Variants in NRG3 observed in about 807,000 individuals in gnomAD.
NRG3 encodes the protein pro-neuregulin-3, membrane-bound isoform.
A neutral mutation model predicts 66.9 loss-of-function variants in NRG3; 31 were observed. That is an observed-to-expected ratio of 0.46 (90% CI 0.35 to 0.63). The LOEUF (loss-of-function observed/expected upper bound fraction) is 0.63. NRG3 is among the 20% of genes least tolerant of loss of function. The probability of loss-of-function intolerance (pLI) is 0.00; values close to 1 mark genes in which losing one functional copy is unlikely to be tolerated. For missense variants in NRG3, 910 were observed against 878.9 expected, an observed-to-expected ratio of 1.04 and a Z score of -0.45; for synonymous variants, 393 against 359.4, an observed-to-expected ratio of 1.09 and a Z score of -1.06.
intron 4 of NRG3, among the ~76,000 whole-genome samples, chr10:82,907,698 C>T (rs1221982915): frequency 6.6e-6 from 1 of 152,068 alleles, no homozygotes; most frequent in Non-Finnish European, 1.5e-5. Flanking sequence ...ATACACTTTT[C>T]ATTTATTTCA....
intron 3 of NRG3, among the ~76,000 whole-genome samples, chr10:82,840,009 GC>G (rs2062978090): frequency 6.6e-6 from 1 of 151,908 alleles, no homozygotes; most frequent in Non-Finnish European, 1.5e-5. Context: ...TAAAAGTATG[GC>G]TTTCATTATC....
At chr10:82,211,480 T>C (rs927878262) in intron 1 of NRG3, among the ~76,000 whole-genome samples, 2 of 152,156 alleles carry the variant, frequency 1.3e-5, no homozygotes, top group Non-Finnish European at 2.9e-5. Flanking sequence ...GATACAGCTC[T>C]GGGGAGTCGA....
At chr10:82,939,429 T>TTTGTTG (rs143997584) in intron 4 of NRG3, among the ~76,000 whole-genome samples, 1 of 151,970 alleles carries the variant, frequency 6.6e-6, no homozygotes, top group Non-Finnish European at 1.5e-5. Flanking sequence ...CAGTTTTTCC[T>TTTGTTG]TTGTTGTTGT....
chr10:81,880,283 C>G (rs139921530), intron 1 of NRG3, among the ~76,000 whole-genome samples: 506 of 152,214 alleles, frequency 3.3e-3, no homozygotes, highest in Admixed American at 7.7e-3. Flanking sequence ...CATTCCTCCC[C>G]AGTTCTTCAG....
At chr10:82,048,590 A>G (rs1353230864) in intron 1 of NRG3, among the ~76,000 whole-genome samples, 1 of 150,200 alleles carries the variant, frequency 6.7e-6, no homozygotes, top group Admixed American at 6.6e-5. Context: ...TCTGGGACAC[A>G]TTCAAAGCAG....
chr10:81,970,178 G>T (rs1230847022), intron 1 of NRG3, among the ~76,000 whole-genome samples: 1 of 152,156 alleles, frequency 6.6e-6, no homozygotes, highest in Non-Finnish European at 1.5e-5. Flanking sequence ...CCTTTTACAG[G>T]AACAGAGGAA....
At chr10:82,237,935 C>T (rs2076833277) in intron 1 of NRG3, among the ~76,000 whole-genome samples, 1 of 151,884 alleles carries the variant, frequency 6.6e-6, no homozygotes, top group South Asian at 2.1e-4. Flanking sequence ...TAGTGCACAG[C>T]AAAGTGTAAT....
chr10:81,950,146 T>C (rs948489214), intron 1 of NRG3, among the ~76,000 whole-genome samples: 1 of 152,206 alleles, frequency 6.6e-6, no homozygotes, highest in African/African-American at 2.4e-5. Context: ...GTTCTCATCT[T>C]GGGTTCCACC....
intron 1 of NRG3, among the ~76,000 whole-genome samples, chr10:82,299,913 C>T (rs2080295730): frequency 6.6e-6 from 1 of 152,114 alleles, no homozygotes; most frequent in African/African-American, 2.4e-5. Flanking sequence ...TGGGCAACCC[C>T]ATTATACCTG....
intron 1 of NRG3, among the ~76,000 whole-genome samples, chr10:82,305,203 G>T (rs1331064455): frequency 1.3e-5 from 2 of 151,858 alleles, no homozygotes; most frequent in Admixed American, 1.3e-4. Flanking sequence ...CACCGTGCTA[G>T]CCAGGATGGT....
intron 1 of NRG3, among the ~76,000 whole-genome samples, chr10:82,236,750 C>G (rs1295018959): frequency 8.1e-6 from 1 of 122,772 alleles, no homozygotes; most frequent in Non-Finnish European, 1.6e-5. Flanking sequence ...GAGTCTCGCT[C>G]TGTTGCCCAG....
intron 2 of NRG3, among the ~76,000 whole-genome samples, chr10:82,587,438 C>T (rs1421984582): frequency 6.6e-6 from 1 of 152,012 alleles, no homozygotes; most frequent in East Asian, 1.9e-4. Context: ...TAAACAAAAG[C>T]TCCTTGGCAT....
chr10:82,418,885 A>C (rs2136220215), intron 2 of NRG3, among the ~76,000 whole-genome samples: 1 of 152,182 alleles, frequency 6.6e-6, no homozygotes, highest in Non-Finnish European at 1.5e-5. Flanking sequence ...CAGAATACTT[A>C]AAAATAACAT....
chr10:82,472,448 G>A (rs1398743363), intron 2 of NRG3, among the ~76,000 whole-genome samples: 2 of 152,206 alleles, frequency 1.3e-5, no homozygotes, highest in Non-Finnish European at 2.9e-5. Context: ...AAGAGAATTT[G>A]TGCTGATTTC....
chr10:82,407,127 A>T (rs1241546914), intron 2 of NRG3, among the ~76,000 whole-genome samples: 1 of 129,484 alleles, frequency 7.7e-6, no homozygotes, highest in Non-Finnish European at 1.6e-5. Context: ...ATCCTGCTTC[A>T]ATTTTAGAAG....
chr10:82,629,509 A>G (rs540312586), intron 2 of NRG3, among the ~76,000 whole-genome samples: 16 of 152,210 alleles, frequency 1.1e-4, no homozygotes, highest in Non-Finnish European at 1.5e-4. Context: ...TAAATGAAAC[A>G]TACACCAGTG....
intron 2 of NRG3, among the ~76,000 whole-genome samples, chr10:82,391,616 G>A (rs1245230555): frequency 1.3e-5 from 2 of 152,072 alleles, no homozygotes; most frequent in Non-Finnish European, 2.9e-5. Flanking sequence ...TCCCATGTGT[G>A]GTCACAGGAA....
chr10:82,612,941 T>C (rs2048401259), intron 2 of NRG3, among the ~76,000 whole-genome samples: 1 of 152,210 alleles, frequency 6.6e-6, no homozygotes, highest in South Asian at 2.1e-4. Flanking sequence ...CTAATATCTC[T>C]TAGAATATAA....
chr10:82,020,955 T>C (rs2062030685), intron 1 of NRG3, among the ~76,000 whole-genome samples: 1 of 152,072 alleles, frequency 6.6e-6, no homozygotes, highest in Admixed American at 6.6e-5. Context: ...CCCAAATCAC[T>C]GTTGGAAAGG....
Sources: gnomAD v4.1 joint callset for allele counts (sites outside exome capture counted in the v4.1 genomes callset) on GRCh38, gnomAD v4.1.1 for gene constraint, MANE v1.5 for transcripts, NCBI Gene and HGNC (gene_info 2026-07-23, HGNC 2026-07-21) for gene names.